PRKACB: variants seen among roughly 807,000 people sequenced by gnomAD.
The protein encoded by PRKACB is protein kinase cAMP-activated catalytic subunit beta.
Under a neutral mutation model 51.4 loss-of-function variants are expected in PRKACB, and 16 were observed. The observed-to-expected ratio is 0.31, with a 90% confidence interval of 0.21 to 0.47. The LOEUF (loss-of-function observed/expected upper bound fraction) is 0.47, where lower values mean the gene tolerates loss of function less well. PRKACB is among the 20% of genes least tolerant of loss of function. The pLI is 1.00. For synonymous variants in PRKACB, 147 were observed against 154.4 expected (o/e 0.95, Z 0.35); for missense variants, 309 against 464.5 (o/e 0.67, Z 3.08).
At chr1:84,175,176 T>TA in intron 1 of PRKACB, 6 of 938,802 alleles carry the variant, frequency 6.4e-6, no homozygotes, top group Non-Finnish European at 8.5e-6. Flanking sequence ...TAATGAAATA[T>TA]TTTCATTGAT....
chr1:84,146,887 C>T (rs776101301), intron 1 of PRKACB, among the ~76,000 whole-genome samples: 22 of 151,896 alleles, frequency 1.4e-4, no homozygotes, highest in Non-Finnish European at 2.9e-5. Context: ...AACAGAAATT[C>T]CTGTTTGATT....
chr1:84,089,578 A>C (rs989496725), intron 1 of PRKACB, among the ~76,000 whole-genome samples: 8 of 152,134 alleles, frequency 5.3e-5, no homozygotes, highest in Admixed American at 2.0e-4. Context: ...ATATTTTGGC[A>C]TCTGGCCCAC....
At chr1:84,121,999 T>TC (rs1651123090) in intron 1 of PRKACB, among the ~76,000 whole-genome samples, 1 of 152,030 alleles carries the variant, frequency 6.6e-6, no homozygotes, top group African/African-American at 2.4e-5. Flanking sequence ...ATTTGGTGAG[T>TC]CCCCCCAAAA....
chr1:84,101,853 GATA>G (rs1462575189), intron 1 of PRKACB, among the ~76,000 whole-genome samples: 2 of 152,078 alleles, frequency 1.3e-5, no homozygotes, highest in Non-Finnish European at 2.9e-5. Flanking sequence ...TAATAAATGA[GATA>G]ATTATTATTT....
At chr1:84,181,655 C>G in intron 2 of PRKACB, 1 of 1,482,030 alleles carries the variant, frequency 6.7e-7, no homozygotes, top group Non-Finnish European at 8.9e-7. Flanking sequence ...CCACTAGGCT[C>G]TCTCATGCTG....
chr1:84,124,952 T>C (rs1651440842), intron 1 of PRKACB, among the ~76,000 whole-genome samples: 1 of 152,162 alleles, frequency 6.6e-6, no homozygotes, highest in Non-Finnish European at 1.5e-5. Context: ...ATTTTAGTAC[T>C]CTGGAAATAG....
At chr1:84,087,763 C>T (rs1330789441) in intron 1 of PRKACB, among the ~76,000 whole-genome samples, 2 of 152,224 alleles carry the variant, frequency 1.3e-5, no homozygotes, top group Admixed American at 6.5e-5. Context: ...GATAAGTCTT[C>T]TTCTTGCTAA....
chr1:84,104,953 A>G (rs1217262747), intron 1 of PRKACB, among the ~76,000 whole-genome samples: 1 of 152,166 alleles, frequency 6.6e-6, no homozygotes, highest in Non-Finnish European at 1.5e-5. Context: ...TAGAGTAATT[A>G]TATAATTGGA....
At chr1:84,137,244 G>A (rs563841129) in intron 1 of PRKACB, among the ~76,000 whole-genome samples, 14 of 152,138 alleles carry the variant, frequency 9.2e-5, no homozygotes, top group African/African-American at 2.9e-4. Context: ...CTATAAAGCC[G>A]TAAAAAGACA....
chr1:84,213,990 A>G (rs1278709314), intron 8 of PRKACB, among the ~76,000 whole-genome samples, 163 bp from the exon 9 acceptor site: 1 of 152,204 alleles, frequency 6.6e-6, no homozygotes, highest in Non-Finnish European at 1.5e-5. Flanking sequence ...CTTTATGGCT[A>G]CTGTGGGGAC....
chr1:84,133,353 T>G (rs137863678), intron 1 of PRKACB, among the ~76,000 whole-genome samples: 43 of 152,260 alleles, frequency 2.8e-4, no homozygotes, highest in African/African-American at 9.9e-4. Context: ...AGGTTATTCA[T>G]TGCCAACAGA....
chr1:84,144,245 A>G (rs1653727996), upstream of PRKACB: 1 of 1,497,278 alleles, frequency 6.7e-7, no homozygotes, highest in Non-Finnish European at 8.8e-7. Flanking sequence ...TAGTGGTTTG[A>G]ATACCCTGCA....
chr1:84,084,225 T>A (rs1647788438), intron 1 of PRKACB, among the ~76,000 whole-genome samples: 1 of 152,132 alleles, frequency 6.6e-6, no homozygotes, highest in South Asian at 2.1e-4. Flanking sequence ...CGAGCATTGA[T>A]AAGTGAAGAT....
At chr1:84,104,264 A>G (rs1375171416) in intron 1 of PRKACB, among the ~76,000 whole-genome samples, 1 of 152,182 alleles carries the variant, frequency 6.6e-6, no homozygotes, top group Non-Finnish European at 1.5e-5. Flanking sequence ...TTCACTTAAC[A>G]TAACATCCTC....
chr1:84,186,935 G>T (rs981064571), intron 5 of PRKACB, among the ~76,000 whole-genome samples: 1 of 152,172 alleles, frequency 6.6e-6, no homozygotes, highest in African/African-American at 2.4e-5. Flanking sequence ...ACGTTATTCT[G>T]TTGGGACAGC....
chr1:84,219,823 C>G (rs1039827109), intron 9 of PRKACB, among the ~76,000 whole-genome samples: 1 of 151,824 alleles, frequency 6.6e-6, no homozygotes, highest in Non-Finnish European at 1.5e-5. Flanking sequence ...TGTTTTTATA[C>G]CACTACCATG....
intron 9 of PRKACB, among the ~76,000 whole-genome samples, chr1:84,232,050 G>A (rs1675776467): frequency 6.6e-6 from 1 of 150,982 alleles, no homozygotes; most frequent in South Asian, 2.1e-4. Flanking sequence ...TTTCTCTTGT[G>A]GGCATTTAGT....
In PRKACB at chr1:84,200,185, T is replaced by C. The variant is rs150832884; in HGVS notation, c.783+2361T>C. Among the ~76,000 whole-genome samples, 403 of 152,276 alleles carry C rather than the reference T, an allele frequency of 2.6e-3. 4 individuals are homozygous for C. The highest frequency in any genetic ancestry group is 9.3e-3 in the African/African-American group (388 of 41,588). On this transcript the variant is annotated intron_variant, in intron 7 of 9. Transcript: ENST00000370685. ...TTAGTAATAGCCATTCTGACTGGTG[T>C]GGAATGGTATCTCATTGTGGTTTTG... is the stretch of plus-strand genomic sequence containing the variant.
chr1:84,086,774 C>T lies in PRKACB; in HGVS notation c.46+8403C>T, dbSNP rs568768223. 3.3e-5 allele frequency among the ~76,000 whole-genome samples: 5 copies of T among 152,328 alleles called. No homozygotes were observed. In the East Asian group the frequency reaches 7.7e-4, roughly 24 times the overall value. On this transcript the variant is annotated intron_variant, in intron 1 of 8. Transcript: ENST00000370688. ...AATCCCCTGTAGTTGCCCATCCTCA[C>T]CCCTCAGGGAGCCCCCTCCCAGCTA... is the stretch of plus-strand genomic sequence containing the variant.
Sources: allele counts gnomAD v4.1 joint callset (sites outside exome capture counted in the v4.1 genomes callset), GRCh38; gene constraint gnomAD v4.1.1; transcripts MANE v1.5; gene names NCBI Gene and HGNC (gene_info 2026-07-23, HGNC 2026-07-21).